TERT: variants seen among roughly 807,000 people sequenced by gnomAD.
TERT encodes telomerase catalytic subunit.
A neutral mutation model predicts 104.0 loss-of-function variants in TERT; 42 were observed. The observed-to-expected ratio is 0.40, with a 90% confidence interval of 0.32 to 0.52. TERT has a LOEUF of 0.52. Ranked by LOEUF, TERT falls within the 20% of genes least tolerant of loss-of-function variation. The pLI, the probability that TERT is intolerant of heterozygous loss-of-function variation, is 0.43. For synonymous variants in TERT, 781 were observed against 725.6 expected (o/e 1.08, Z -1.23); for missense variants, 1,101 against 1,610.3 (o/e 0.68, Z 5.41).
chr5:1,290,697 G>A (rs867678083), intron 2 of TERT, among the ~76,000 whole-genome samples: 4 of 55,586 alleles, frequency 7.2e-5, no homozygotes, highest in East Asian at 4.8e-4. Context: ...CACTCACCCT[G>A]CACGTGACAG....
rs1052583742 is a variant in TERT at position 1,274,579 on chromosome 5, C to A, written c.2287-2299G>T. Among the ~76,000 whole-genome samples, 2 of 152,180 alleles carry A rather than the reference C, an allele frequency of 1.3e-5. No individual in the cohort carries two copies. Among genetic ancestry groups the A allele is most frequent in the East Asian group, 3.9e-4 (2 of 5,184 alleles). The stretch of plus-strand genomic sequence containing the variant: ...CCCATAAGGAGCACAGAATCTAGAC[C>A]CCTCTCACGCACAGTTCTCAGTAGG... On this transcript the variant is annotated intron_variant, in intron 6 of 15. Transcript: ENST00000310581. The surrounding 1 kb of genome is among the most constrained non-coding windows in gnomAD (Gnocchi z 5.3).
Position 1,258,650 on chromosome 5 carries a change from G to A in TERT, c.2980C>T (p.Leu994Phe), listed in dbSNP as rs866369624. The A allele has an allele frequency of 5.7e-6, 9 of 1,568,978 alleles. No individual in the cohort carries two copies. The highest frequency in any genetic ancestry group is 6.9e-6 in the Non-Finnish European group (8 of 1,156,072). ...SLFLDLQVNS[L>F]QTVCTNIYKI... ...TAGATGTTGGTGCACACCGTCTGGA[G>A]GCTGTTCACCTAGAGTCGCCAAGAA... Residue 994 changes from leucine (L) to phenylalanine (F), a missense_variant, in exon 13 of 16, where the codon CTC (leucine) becomes TTC (phenylalanine). Coordinates refer to ENST00000310581, the MANE Select transcript of TERT (RefSeq NM_198253.3).
Position 1,253,767 on chromosome 5 carries a change from G to A in TERT, c.3360C>T (p.Asn1120=), listed in dbSNP as rs758092349. 6.2e-7 allele frequency: 1 copy of A among 1,612,300 alleles called. No homozygotes were observed. The highest frequency in any genetic ancestry group is 1.1e-5 in the South Asian group (1 of 90,744). ...TTLTALEAAA[N]PALPSDFKTI... Reference sequence around the variant, plus strand: ...TCTTGAAGTCTGAGGGCAGTGCCGGGTTGGCTGCGGCCTCCAGGGCAGTCA... The same window carrying A: ...TCTTGAAGTCTGAGGGCAGTGCCGGATTGGCTGCGGCCTCCAGGGCAGTCA... The change falls in exon 16 of 16, where the codon AAC becomes AAT. Residue 1120 remains asparagine, a synonymous_variant. Coordinates refer to ENST00000310581, the MANE Select transcript of TERT (RefSeq NM_198253.3).
chr5:1,260,062 G>A (rs1748113294), intron 12 of TERT, among the ~76,000 whole-genome samples: 1 of 152,182 alleles, frequency 6.6e-6, no homozygotes, highest in African/African-American at 2.4e-5. Context: ...GCCCACCAAG[G>A]CCTGGGACCC....
chr5:1,286,889 A>G lies in TERT; in HGVS notation c.1574-4265T>C, dbSNP rs556484755. 5.9e-5 allele frequency among the ~76,000 whole-genome samples: 9 copies of G among 152,268 alleles called. No individual in the cohort carries two copies. The South Asian group carries it at 1.9e-3, about 32-fold the overall frequency. On this transcript the variant is annotated intron_variant, in intron 2 of 15. Transcript: ENST00000310581. This position sits in a 1 kb window ranked among gnomAD's most constrained non-coding sequence, Gnocchi z 5.3. ...TGAGACTGTCTCAATAAACAAAAGC[A>G]AACAACGACAATAAAAAGATCAGGG... is the stretch of plus-strand genomic sequence containing the variant.
chr5:1,293,560 GTCC>G lies in TERT; in HGVS notation c.1323_1325del (p.Glu441del), dbSNP rs377639087. ...GCTGCACCAGGCGACGGGGGTCTGT[GTCC>G]TCCTCCTCGGGGGCCGCCACAGAGC... is the stretch of plus-strand genomic sequence containing the variant. On this transcript the variant is annotated inframe_deletion, in exon 2 of 16. Transcript: ENST00000310581. 3.0e-3 allele frequency: 4,569 copies of G among 1,547,426 alleles called. 8 individuals are homozygous for G. The highest frequency in any genetic ancestry group is 3.7e-3 in the Non-Finnish European group (4,275 of 1,144,528).
Position 1,274,174 on chromosome 5 carries a change from C to G in TERT, c.2287-1894G>C, listed in dbSNP as rs1044314617. On this transcript the variant is annotated intron_variant, in intron 6 of 15. Transcript: ENST00000310581. The surrounding 1 kb of genome is among the most constrained non-coding windows in gnomAD (Gnocchi z 5.3). Reference sequence around the variant, plus strand: ...CAGCATGTTCCCCAGCCCCCAGGAGCTGGCGGCAGGGCCGTGGGCTAAAAC... The same window carrying G: ...CAGCATGTTCCCCAGCCCCCAGGAGGTGGCGGCAGGGCCGTGGGCTAAAAC... 2.6e-5 allele frequency among the ~76,000 whole-genome samples: 4 copies of G among 152,236 alleles called. No individual in the cohort carries two copies. Among genetic ancestry groups the G allele is most frequent in the Non-Finnish European group, 4.4e-5 (3 of 68,046 alleles).
At chr5:1,271,041 G>A (rs912099257) in intron 8 of TERT, 78 bp downstream of exon 8, 3 of 1,172,468 alleles carry the variant, frequency 2.6e-6, no homozygotes, top group Non-Finnish European at 3.8e-6. Context: ...TGGGGAAGGG[G>A]CAGGAGAGAG....
At chr5:1,278,513 TA>T in intron 6 of TERT, 127 bp downstream of exon 6, 1 of 1,339,352 alleles carries the variant, frequency 7.5e-7, no homozygotes, top group Non-Finnish European at 1.1e-6. Context: ...CACACACGCA[TA>T]TCACAGATGT....
rs958393054 is a variant in TERT at position 1,266,421 on chromosome 5, AC to A, written c.2654+42del. 5 of 1,548,198 alleles carry A rather than the reference AC, an allele frequency of 3.2e-6. No homozygotes were observed. In the African/African-American group the frequency reaches 6.8e-5, roughly 21 times the overall value. On this transcript the variant is annotated intron_variant, in intron 10 of 15. Transcript: ENST00000310581. ...CACGGGGGGCTCAACTGCAAAGCCCACAGGCTGTGGAGGTCCCCACAGACAC... is the reference window on the plus strand; with the variant it reads ...CACGGGGGGCTCAACTGCAAAGCCCAAGGCTGTGGAGGTCCCCACAGACAC...
chr5:1,294,410 AAG>A lies in TERT; in HGVS notation c.474_475del (p.Phe159CysfsTer32). 3 of 1,589,462 alleles carry A rather than the reference AAG, an allele frequency of 1.9e-6. No homozygotes were observed. The highest frequency in any genetic ancestry group is 2.6e-6 in the Non-Finnish European group (3 of 1,175,788). ...GGCGCAGCTGGGAGCCACCAGCACA[AAG>A]AGCGCGCAGCGTGCCAGCAGGTGAA... On this transcript the variant is annotated frameshift_variant, in exon 2 of 16. Transcript: ENST00000310581. LOFTEE classifies it high-confidence loss of function.
chr5:1,289,673 T>G (rs868491045), intron 2 of TERT, among the ~76,000 whole-genome samples: 31 of 28,876 alleles, frequency 1.1e-3, no homozygotes, highest in African/African-American at 1.9e-3. Context: ...CCCGGGGGCC[T>G]CGCGTCAATC....
chr5:1,289,630 G>C (rs1277891844), intron 2 of TERT, among the ~76,000 whole-genome samples: 3 of 84,774 alleles, frequency 3.5e-5, no homozygotes, highest in East Asian at 3.6e-4. Context: ...ACGCGGGGAC[G>C]GCGCCTCACT....
intron 2 of TERT, chr5:1,282,895 C>A: frequency 2.0e-6 from 1 of 498,030 alleles, no homozygotes; most frequent in Non-Finnish European, 3.7e-6. Context: ...AGACACCACA[C>A]ATCCAGCTCA....
chr5:1,289,365 G>T (rs1203043436), intron 2 of TERT, among the ~76,000 whole-genome samples: 6 of 143,580 alleles, frequency 4.2e-5, no homozygotes, highest in African/African-American at 1.3e-4. Flanking sequence ...ACGTGACAGG[G>T]ACACCCGGGG....
At chr5:1,291,435 C>G (rs371230381) in intron 2 of TERT, among the ~76,000 whole-genome samples, 2 of 30,754 alleles carry the variant, frequency 6.5e-5, no homozygotes, top group African/African-American at 2.3e-4. Flanking sequence ...ACCCGGGGAC[C>G]ACGCCTCACT....
intron 6 of TERT, among the ~76,000 whole-genome samples, chr5:1,276,354 C>T (rs561968611): frequency 1.4e-5 from 2 of 140,846 alleles, no homozygotes; most frequent in African/African-American, 5.4e-5. Context: ...ACCTACCCCA[C>T]GGATGAAAAC....
At chr5:1,273,064 GATCA>G (rs1378721406) in intron 6 of TERT, among the ~76,000 whole-genome samples, 2 of 90,228 alleles carry the variant, frequency 2.2e-5, no homozygotes, top group Admixed American at 1.1e-4. Context: ...CCCTGTGACC[GATCA>G]CCATCCACAG....
At chr5:1,275,897 C>G (rs905643470) in intron 6 of TERT, among the ~76,000 whole-genome samples, 178 of 133,036 alleles carry the variant, frequency 1.3e-3, no homozygotes, top group African/African-American at 4.9e-3. Context: ...CCACCTACCC[C>G]ACACATGAAA....
Sources: gnomAD v4.1 joint callset for allele counts (sites outside exome capture counted in the v4.1 genomes callset) on GRCh38, gnomAD v4.1.1 for gene constraint, Gnocchi (gnomAD v3.1) non-coding constraint, MANE v1.5 for transcripts, NCBI Gene and HGNC (gene_info 2026-07-23, HGNC 2026-07-21) for gene names.